The following AZU1 variants were observed in gnomAD, a reference collection of about 807,000 sequenced individuals.
AZU1 encodes azurocidin 1.
AZU1 carries 21 observed loss-of-function variants against 17.8 expected under a neutral mutation model. That is an observed-to-expected ratio of 1.18 (90% CI 0.84 to 1.70). The LOEUF (loss-of-function observed/expected upper bound fraction) is 1.70, where lower values mean the gene tolerates loss of function less well. Ranked by LOEUF, AZU1 falls within the 40% of genes most tolerant of loss-of-function variation. AZU1 has a pLI of 0.00. For synonymous variants in AZU1, 178 were observed against 155.2 expected (o/e 1.15, Z -1.09); for missense variants, 379 against 362.9 (o/e 1.04, Z -0.36).
intron 2 of AZU1, among the ~76,000 whole-genome samples, 167 bp from the exon 3 acceptor site, chr19:829,394 AG>A (rs1423547315): frequency 6.6e-6 from 1 of 151,246 alleles, no homozygotes; most frequent in African/African-American, 2.4e-5. Flanking sequence ...CAAGATGGGA[AG>A]GGGGCCCTGG....
chr19:828,171 G>C lies in AZU1; in HGVS notation c.59-59G>C, dbSNP rs191231045. On this transcript the variant is annotated intron_variant, in intron 1 of 4. Transcript: ENST00000233997. ...TAGAGCTGAGGCTGCAGCTTCACAC[G>C]CCCTCCCGGCCACTGTGTGGATTCT... 1.0e-3 allele frequency: 1,553 copies of C among 1,516,646 alleles called. 12 individuals carry two copies. In the African/African-American group the frequency reaches 0.019, roughly 19 times the overall value. 93.9% of individuals were successfully genotyped at this position (1,516,646 alleles called of 1,614,324 possible).
In AZU1 at chr19:829,723, A is replaced by G. The variant is rs678976; in HGVS notation, c.360+17A>G. 790,833 of 1,608,908 alleles carry G rather than the reference A, an allele frequency of 0.49. 200,061 individuals carry two copies. The highest frequency in any genetic ancestry group is 0.82 in the African/African-American group (61,258 of 74,796). ...CTGCTTCAGGTGAGAGGATGGTGCC[A>G]CCTGTGATCCCAGCACCTCGGGAGG... On this transcript the variant is annotated intron_variant, in intron 3 of 4. Transcript: ENST00000233997.
chr19:830,799 T>TG lies in AZU1; in HGVS notation c.454dup (p.Ala152GlyfsTer76). The TG allele has an allele frequency of 6.2e-7, 1 of 1,606,430 alleles. No homozygotes were observed. The highest frequency in any genetic ancestry group is 8.5e-7 in the Non-Finnish European group (1 of 1,179,894). Reference sequence around the variant, plus strand: ...GTGGAAGCCGGCACCAGATGCCAGGTGGCCGGCTGGGGGAGCCAGCGCAGT... The same window carrying TG: ...GTGGAAGCCGGCACCAGATGCCAGGTGGGCCGGCTGGGGGAGCCAGCGCAGT... On this transcript the variant is annotated frameshift_variant, in exon 4 of 5. Coordinates refer to ENST00000233997, the MANE Select transcript of AZU1 (RefSeq NM_001700.5). LOFTEE classifies it high-confidence loss of function.
At position 830,875 on chromosome 19, in the gene AZU1, C is replaced by T. The variant is rs201821197; in HGVS notation, c.528C>T (p.Pro176=). Residue 176 remains proline, a synonymous_variant, in exon 4 of 5, where the codon CCC becomes CCT. Coordinates refer to ENST00000233997, the MANE Select transcript of AZU1 (RefSeq NM_001700.5). ...FPRFVNVTVT[P]EDQCRPNNVC... is the part of the protein sequence containing the mutation. ...GGTTTGTCAACGTGACTGTGACCCC[C>T]GAGGACCAGTGTCGCCCCAACAACG... 57 of 1,606,932 alleles carry T rather than the reference C, an allele frequency of 3.5e-5. No homozygotes were observed. Among genetic ancestry groups the T allele is most frequent in the South Asian group, 1.1e-4 (10 of 91,078 alleles).
rs750366755 is a variant in AZU1, at chr19:829,629, C to T, written c.283C>T (p.Gln95Ter). 1 of 1,613,428 alleles carries T rather than the reference C, an allele frequency of 6.2e-7. No homozygotes were observed. The highest frequency in any genetic ancestry group is 8.5e-7 in the Non-Finnish European group (1 of 1,179,960). ...GAGGCGGCGGGAGAGGCAGTCCCGC[C>T]AGACGTTTTCCATCAGCAGCATGAG... ...DLRRRERQSR[Q>*]TFSISSMSEN... The change falls in exon 3 of 5, where the codon CAG becomes TAG. Residue 95 changes from glutamine (Q) to a stop codon, truncating the protein, a stop_gained. Coordinates refer to ENST00000233997, the MANE Select transcript of AZU1 (RefSeq NM_001700.5). LOFTEE classifies it high-confidence loss of function.
Position 831,923 on chromosome 19 carries a change from TC to T in AZU1, c.*48del. ...GGAGCCCAGCCCCGCCCTCCACACCTCCGGCGCTCCGCACCCACCTCCCACG... is the reference window on the plus strand; with the variant it reads ...GGAGCCCAGCCCCGCCCTCCACACCTCGGCGCTCCGCACCCACCTCCCACG... On this transcript the variant is annotated 3_prime_UTR_variant, in exon 5 of 5. Transcript: ENST00000233997. 1 of 1,570,622 alleles carries T rather than the reference TC, an allele frequency of 6.4e-7. No individual in the cohort carries two copies. Among genetic ancestry groups the T allele is most frequent in the East Asian group, 2.3e-5 (1 of 44,194 alleles).
At position 828,944 on chromosome 19, in the gene AZU1, G is replaced by A. The variant is rs1374150620; in HGVS notation, c.215+558G>A. 3.3e-5 allele frequency among the ~76,000 whole-genome samples: 4 copies of A among 122,864 alleles called. 1 individual carries two copies. The highest frequency in any genetic ancestry group is 9.8e-5 in the African/African-American group (3 of 30,736). 80.6% of individuals were successfully genotyped at this position (122,864 alleles called of 152,430 possible). A position where few individuals can be genotyped will look rare whatever the true frequency, so the allele number is the denominator to read the frequency against. On this transcript the variant is annotated intron_variant, in intron 2 of 4. Transcript: ENST00000233997. ...ATGGAGGAGGTGCGGAGAAGGGAAGGGGGTCAGATGGAGGAGGTGCAGAGA... is the reference window on the plus strand; with the variant it reads ...ATGGAGGAGGTGCGGAGAAGGGAAGAGGGTCAGATGGAGGAGGTGCAGAGA...
At chr19:831,242 G>T in intron 4 of AZU1, 3 of 391,378 alleles carry the variant, frequency 7.7e-6, no homozygotes, top group Non-Finnish European at 1.4e-5. Context: ...CACCACGCCC[G>T]GCTAATTTTG....
chr19:828,574 TG>T (rs887955809), intron 2 of AZU1, among the ~76,000 whole-genome samples, 188 bp downstream of exon 2: 2 of 123,866 alleles, frequency 1.6e-5, no homozygotes, highest in African/African-American at 6.3e-5. Context: ...CCAAGGATAT[TG>T]GGGGGCTCAG....
At position 831,925 on chromosome 19, in the gene AZU1, C is replaced by A; in HGVS notation, c.*48C>A. 2 of 1,572,070 alleles carry A rather than the reference C, an allele frequency of 1.3e-6. No individual in the cohort carries two copies. The highest frequency in any genetic ancestry group is 1.7e-6 in the Non-Finnish European group (2 of 1,155,050). ...AGCCCAGCCCCGCCCTCCACACCTC[C>A]GGCGCTCCGCACCCACCTCCCACGG... On this transcript the variant is annotated 3_prime_UTR_variant, in exon 5 of 5. Transcript: ENST00000233997.
intron 1 of AZU1, 141 bp from the exon 2 acceptor site, chr19:828,089 T>C: frequency 1.5e-6 from 2 of 1,325,304 alleles, no homozygotes; most frequent in Non-Finnish European, 2.1e-6. Flanking sequence ...CCCCCTGTCC[T>C]CTTAGGGAGT....
rs920446246 is a variant in AZU1 at position 830,644 on chromosome 19, C to T, written c.361-64C>T. ...TTAATGTCGCTGACACTTCTGCTCC[C>T]AGGGGTCCCCATGAGGCTCCAGTCC... is the stretch of plus-strand genomic sequence containing the variant. On this transcript the variant is annotated intron_variant, in intron 3 of 4. Transcript: ENST00000233997. 6 of 1,375,794 alleles carry T rather than the reference C, an allele frequency of 4.4e-6. No individual in the cohort carries two copies. The African/African-American group carries it at 8.7e-5, about 20-fold the overall frequency. The allele number at this position is 1,375,794 out of a possible 1,614,324, so 85.2% of individuals were successfully genotyped here. A position where few individuals can be genotyped will look rare whatever the true frequency, so the allele number is the denominator to read the frequency against.
At position 831,919 on chromosome 19, in the gene AZU1, C is replaced by CA. The variant is rs2035294278; in HGVS notation, c.*43dup. On this transcript the variant is annotated 3_prime_UTR_variant, in exon 5 of 5. Coordinates refer to ENST00000233997, the MANE Select transcript of AZU1 (RefSeq NM_001700.5). ...CCATGGAGCCCAGCCCCGCCCTCCA[C>CA]ACCTCCGGCGCTCCGCACCCACCTC... The CA allele has an allele frequency of 6.3e-7, 1 of 1,582,974 alleles. No individual in the cohort carries two copies. Among genetic ancestry groups the CA allele is most frequent in the Admixed American group, 1.7e-5 (1 of 57,194 alleles).
At chr19:828,040 C>T (rs1009733451) in intron 1 of AZU1, 136 bp downstream of exon 1, 21 of 1,398,780 alleles carry the variant, frequency 1.5e-5, no homozygotes, top group East Asian at 1.0e-4. Flanking sequence ...GACGATCCCG[C>T]GAAAGGCGTG....
intron 2 of AZU1, 77 bp from the exon 3 acceptor site, chr19:829,485 A>C: frequency 6.5e-7 from 1 of 1,532,032 alleles, no homozygotes; most frequent in Non-Finnish European, 8.9e-7. Context: ...GATCCCCCCT[A>C]ATTTGCAAGC....
intron 3 of AZU1, 55 bp downstream of exon 3, chr19:829,761 A>G: frequency 6.3e-7 from 1 of 1,588,250 alleles, no homozygotes; most frequent in Admixed American, 1.7e-5. Flanking sequence ...GACGTTAGCC[A>G]GGGAAACAAG....
At chr19:831,109 G>C in intron 4 of AZU1, 168 bp downstream of exon 4, 2 of 643,458 alleles carry the variant, frequency 3.1e-6, no homozygotes, top group Non-Finnish European at 5.2e-6. Context: ...ACAGAGTCTC[G>C]CTCTGTCGCC....
At chr19:829,079 C>G (rs1240395482) in intron 2 of AZU1, among the ~76,000 whole-genome samples, 18 of 29,672 alleles carry the variant, frequency 6.1e-4, no homozygotes, top group Admixed American at 1.4e-3. Context: ...AGGGAAGGGG[C>G]TCAGATGGGG....
chr19:829,297 A>G (rs1420540268), intron 2 of AZU1, among the ~76,000 whole-genome samples: 2 of 143,960 alleles, frequency 1.4e-5, no homozygotes, highest in African/African-American at 2.6e-5. Context: ...GGAGGCTCAG[A>G]GAAGGGAAGG....
Sources: allele counts gnomAD v4.1 joint callset (sites outside exome capture counted in the v4.1 genomes callset), GRCh38; gene constraint gnomAD v4.1.1; transcripts MANE v1.5; gene names NCBI Gene and HGNC (gene_info 2026-07-23, HGNC 2026-07-21).